KDM3B: variants seen among roughly 807,000 people sequenced by gnomAD.
The protein encoded by KDM3B is lysine-specific demethylase 3B.
A neutral mutation model predicts 170.0 loss-of-function variants in KDM3B; 10 were observed. The observed-to-expected ratio is 0.06, with a 90% CI of 0.04 to 0.10. The LOEUF is 0.10. Among genes scored for constraint, KDM3B ranks in the 10% least tolerant of loss-of-function variants. The pLI, the probability that KDM3B is intolerant of heterozygous loss-of-function variation, is 1.00. For missense variants in KDM3B, 1,394 were observed against 2,195.2 expected, an observed-to-expected ratio of 0.64 and a Z score of 7.29; for synonymous variants, 831 against 834.8, an observed-to-expected ratio of 1.00 and a Z score of 0.08.
chr5:138,357,964 GGT>G (rs1217136774), intron 1 of KDM3B, among the ~76,000 whole-genome samples: 4 of 151,632 alleles, frequency 2.6e-5, no homozygotes, highest in Non-Finnish European at 5.9e-5. Context: ...TGGGATTACA[GGT>G]GTGAGCCACC....
intron 8 of KDM3B, 145 bp from the exon 9 acceptor site, chr5:138,393,026 C>G: frequency 1.5e-6 from 1 of 674,500 alleles, no homozygotes. Context: ...CCCTTCCTGT[C>G]AAGGATGGAC....
At chr5:138,389,346 A>G (rs1352329764) in intron 7 of KDM3B, among the ~76,000 whole-genome samples, 1 of 152,230 alleles carries the variant, frequency 6.6e-6, no homozygotes, top group Non-Finnish European at 1.5e-5. Context: ...GAAATCCTGA[A>G]TGTTAACTCC....
intron 11 of KDM3B, among the ~76,000 whole-genome samples, chr5:138,404,349 G>A (rs577187672): frequency 5.3e-5 from 8 of 152,216 alleles, no homozygotes; most frequent in African/African-American, 7.2e-5. Flanking sequence ...CAGGCTGGCC[G>A]GGCGCCATGG....
In KDM3B at chr5:138,391,714, T is replaced by A. The variant is rs1762435587; in HGVS notation, c.2082T>A (p.Ile694=). 6.2e-7 allele frequency: 1 copy of A among 1,613,924 alleles called. No homozygotes were observed. The highest frequency in any genetic ancestry group is 1.1e-5 in the South Asian group (1 of 91,078). The change falls in exon 8 of 24, where the codon ATT becomes ATA. Residue 694 remains isoleucine, a synonymous_variant. Transcript: ENST00000314358. This position sits in a 1 kb window ranked among gnomAD's most constrained non-coding sequence, Gnocchi z 5.0. ...ASLAKKKPLF[I]TTDSSKLVSG... is the part of the protein sequence containing the mutation. Reference sequence around the variant, plus strand: ...TAGCAAAGAAGAAACCCCTCTTCATTACAACTGACTCCTCCAAGCTAGTAT... The same window carrying A: ...TAGCAAAGAAGAAACCCCTCTTCATAACAACTGACTCCTCCAAGCTAGTAT...
chr5:138,389,391 C>G (rs1762363571), intron 7 of KDM3B, among the ~76,000 whole-genome samples: 1 of 152,148 alleles, frequency 6.6e-6, no homozygotes. Context: ...AATTAAAACT[C>G]TCTCCCCTCT....
intron 1 of KDM3B, among the ~76,000 whole-genome samples, chr5:138,356,636 C>CTTTTTTTTTTTT (rs539401228): frequency 4.7e-5 from 4 of 85,994 alleles, no homozygotes; most frequent in Non-Finnish European, 4.3e-5. Flanking sequence ...TGTCTCTTGA[C>CTTTTTTTTTTTT]TTTTTTTTTT....
At chr5:138,381,611 C>T (rs1762127689) in intron 6 of KDM3B, 21 bp downstream of exon 6, 2 of 1,417,524 alleles carry the variant, frequency 1.4e-6, no homozygotes, top group Non-Finnish European at 2.0e-6. Context: ...GGACTGCATT[C>T]CTGAGCAGAC....
chr5:138,431,279 G>A lies in KDM3B; in HGVS notation c.5071-146G>A, dbSNP rs1027844171. 6.5e-5 allele frequency: 42 copies of A among 643,678 alleles called. No individual in the cohort carries two copies. The Admixed American group carries it at 1.5e-3, about 23-fold the overall frequency. The allele number at this position is 643,678 out of a possible 1,614,324, so 39.9% of individuals were successfully genotyped here. A position where few individuals can be genotyped will look rare whatever the true frequency, so the allele number is the denominator to read the frequency against. ...GGCCATTGCTTTTATTTATACATTT[G>A]CACTTACAGCTTTTCTGTGTTGTTA... On this transcript the variant is annotated intron_variant, in intron 22 of 23. Coordinates refer to ENST00000314358, the MANE Select transcript of KDM3B (RefSeq NM_016604.4).
chr5:138,352,854 C>G lies in KDM3B; in HGVS notation c.59C>G (p.Thr20Ser). The change falls in exon 1 of 24, where the codon ACT becomes AGT. Residue 20 changes from threonine (T) to serine (S), a missense_variant. Transcript: ENST00000314358. ...CGGCTGCTGCTGCTGTTCGCGGACA[C>G]TGCGGCCTCAGCCTCGGCCTCGGCT... ...GKRLLLLFAD[T>S]AASASASAPA... 1 of 1,376,250 alleles carries G rather than the reference C, an allele frequency of 7.3e-7. No homozygotes were observed. The highest frequency in any genetic ancestry group is 9.4e-7 in the Non-Finnish European group (1 of 1,061,588). The allele number at this position is 1,376,250 out of a possible 1,614,324, so 85.3% of individuals were successfully genotyped here. A position where few individuals can be genotyped will look rare whatever the true frequency, so the allele number is the denominator to read the frequency against.
intron 6 of KDM3B, among the ~76,000 whole-genome samples, chr5:138,382,900 TTTG>T (rs1243752911): frequency 6.6e-6 from 1 of 152,214 alleles, no homozygotes; most frequent in Non-Finnish European, 1.5e-5. Context: ...GGTCCCCTTT[TTTG>T]TTCCTTTCCT....
At chr5:138,362,234 T>C (rs980489520) in intron 1 of KDM3B, among the ~76,000 whole-genome samples, 1 of 151,792 alleles carries the variant, frequency 6.6e-6, no homozygotes, top group African/African-American at 2.4e-5. Context: ...CAAGAATGGC[T>C]TGAACCTGGG....
At chr5:138,399,165 T>C (rs1762618588) in intron 10 of KDM3B, among the ~76,000 whole-genome samples, 1 of 151,620 alleles carries the variant, frequency 6.6e-6, no homozygotes, top group Non-Finnish European at 1.5e-5. Flanking sequence ...TGGGGTTACA[T>C]GTGTGAGCCA....
At chr5:138,420,557 C>A in intron 14 of KDM3B, 149 bp from the exon 15 acceptor site, 1 of 800,642 alleles carries the variant, frequency 1.2e-6, no homozygotes, top group Non-Finnish European at 2.0e-6. Context: ...GCTTGTAAGG[C>A]TTGACCCAAA....
intron 20 of KDM3B, among the ~76,000 whole-genome samples, 183 bp downstream of exon 20, chr5:138,428,269 T>G (rs1330862848): frequency 6.7e-6 from 1 of 150,084 alleles, no homozygotes; most frequent in Non-Finnish European, 1.5e-5. Context: ...AGTGCAGAGG[T>G]GCGATCTTGG....
At chr5:138,376,538 A>G (rs1762003579) in intron 3 of KDM3B, among the ~76,000 whole-genome samples, 1 of 151,688 alleles carries the variant, frequency 6.6e-6, no homozygotes, top group South Asian at 2.1e-4. Context: ...CCCCATCTCT[A>G]CTAAAATACA....
chr5:138,419,972 G>A (rs1580947521), intron 14 of KDM3B, among the ~76,000 whole-genome samples: 2 of 151,992 alleles, frequency 1.3e-5, no homozygotes, highest in Admixed American at 6.6e-5. Context: ...TGCAACCTCC[G>A]TCTCCCAGGT....
At chr5:138,427,392 G>T in intron 19 of KDM3B, 73 bp downstream of exon 19, 1 of 1,522,994 alleles carries the variant, frequency 6.6e-7, no homozygotes, top group South Asian at 1.2e-5. Context: ...GGATATCTGT[G>T]GTCAATGTCA....
Position 138,379,840 on chromosome 5 carries a change from A to G in KDM3B, c.705+132A>G, listed in dbSNP as rs146487268. ...GGCTCTATTACTTAATAGTTGTATA[A>G]CCCCTAGAAAGGCTATTGAATTTTC... On this transcript the variant is annotated intron_variant, in intron 5 of 23. Transcript: ENST00000314358. 4,925 of 778,008 alleles carry G rather than the reference A, an allele frequency of 6.3e-3. 25 individuals are homozygous for G. Among genetic ancestry groups the G allele is most frequent in the Non-Finnish European group, 8.6e-3 (4,439 of 516,528 alleles). The allele number at this position is 778,008 out of a possible 1,614,324, so 48.2% of individuals were successfully genotyped here. A position where few individuals can be genotyped will look rare whatever the true frequency, so the allele number is the denominator to read the frequency against.
rs1426262611 is a variant in KDM3B at position 138,391,336 on chromosome 5, G to A, written c.1704G>A (p.Leu568=). 3.1e-6 allele frequency: 5 copies of A among 1,614,204 alleles called. No individual in the cohort carries two copies. Among genetic ancestry groups the A allele is most frequent in the Admixed American group, 1.7e-5 (1 of 60,016 alleles). ...KQSLESLSSG[L]CKGRSVLGTD... is the part of the protein sequence containing the mutation. ...GCCTTGAGAGCCTGAGCTCAGGCCT[G>A]TGTAAAGGCAGATCCGTTCTTGGAA... is the stretch of plus-strand genomic sequence containing the variant. The change falls in exon 8 of 24, where the codon CTG becomes CTA. Residue 568 remains leucine, a synonymous_variant. Transcript: ENST00000314358. This position sits in a 1 kb window ranked among gnomAD's most constrained non-coding sequence, Gnocchi z 5.0.
Sources: allele counts gnomAD v4.1 joint callset (sites outside exome capture counted in the v4.1 genomes callset), GRCh38; gene constraint gnomAD v4.1.1; non-coding constraint Gnocchi (gnomAD v3.1); transcripts MANE v1.5; gene names NCBI Gene and HGNC (gene_info 2026-07-23, HGNC 2026-07-21).